RSRP1: variants seen among roughly 807,000 people sequenced by gnomAD.
RSRP1 encodes arginine/serine-rich protein 1.
A neutral mutation model predicts 33.0 loss-of-function variants in RSRP1; 37 were observed. That is an observed-to-expected ratio of 1.12 (90% CI 0.86 to 1.48). The LOEUF (loss-of-function observed/expected upper bound fraction) is 1.48. RSRP1 is among the 40% of genes most tolerant of loss of function. The pLI, the probability that RSRP1 is intolerant of heterozygous loss-of-function variation, is 0.00. For synonymous variants in RSRP1, 167 were observed against 158.7 expected (o/e 1.05, Z -0.40); for missense variants, 402 against 385.3 (o/e 1.04, Z -0.36).
chr1:25,246,575 G>C lies in RSRP1; in HGVS notation c.389C>G (p.Ala130Gly). The C allele has an allele frequency of 6.2e-7, 1 of 1,614,186 alleles. No individual in the cohort carries two copies. The highest frequency in any genetic ancestry group is 1.6e-4 in the Middle Eastern group (1 of 6,062). ...RSRGRSYCGR[A>G]YAIARGQRYY... ...GCGCTGTCCCCGCGCGATCGCGTACGCCCTTCCGCAGTACGACCTTCCCCG... is the reference window on the plus strand; with the variant it reads ...GCGCTGTCCCCGCGCGATCGCGTACCCCCTTCCGCAGTACGACCTTCCCCG... Residue 130 changes from alanine (A) to glycine (G), a missense_variant, in exon 2 of 5, where the codon GCG becomes GGG. Ala to Gly is a moderately conservative substitution (Grantham distance 60). Coordinates refer to ENST00000243189, the MANE Select transcript of RSRP1 (RefSeq NM_020317.5).
chr1:25,337,065 T>C, intron 1 of RSRP1: 1 of 171,116 alleles, frequency 5.8e-6, no homozygotes, highest in Non-Finnish European at 1.3e-5. Flanking sequence ...GAAGGGGGGT[T>C]CTGCTCCGCG....
intron 1 of RSRP1, among the ~76,000 whole-genome samples, chr1:25,298,972 A>T (rs1643157263): frequency 7.9e-6 from 1 of 126,192 alleles, no homozygotes; most frequent in South Asian, 2.4e-4. Flanking sequence ...TAACGAGTGC[A>T]CAAGCCATAT....
rs1163306359 is a variant in RSRP1 at position 25,332,257 on chromosome 1, G to A, written c.-67+5721C>T. ...TCACCATGTTGGCCAGGATGGTCCC[G>A]AACTCCTGACCTCAAGTGATCCTCC... On this transcript the variant is annotated intron_variant, in intron 1 of 1. Coordinates refer to the RSRP1 transcript ENST00000561867. Among the ~76,000 whole-genome samples, 25 of 127,968 alleles carry A rather than the reference G, an allele frequency of 2.0e-4. 6 individuals are homozygous for A. The highest frequency in any genetic ancestry group is 7.2e-4 in the South Asian group (3 of 4,152). 84.0% of individuals were successfully genotyped at this position (127,968 alleles called of 152,430 possible).
intron 1 of RSRP1, among the ~76,000 whole-genome samples, chr1:25,262,943 C>T (rs1344486990): frequency 6.6e-6 from 1 of 152,170 alleles, no homozygotes; most frequent in Non-Finnish European, 1.5e-5. Context: ...CTTTCCAGTT[C>T]TCTAGGTATT....
Position 25,333,101 on chromosome 1 carries a change from G to A in RSRP1, c.-67+4877C>T, listed in dbSNP as rs981407092. ...GAAATCCAAGGGCAGGAATGGAAGC[G>A]TGTATTCCAGCTCCAAGAGAGTAAG... is the stretch of plus-strand genomic sequence containing the variant. On this transcript the variant is annotated intron_variant, in intron 1 of 1. Transcript: ENST00000561867. Among the ~76,000 whole-genome samples, 5 of 132,368 alleles carry A rather than the reference G, an allele frequency of 3.8e-5. 2 individuals are homozygous for A. Among genetic ancestry groups the A allele is most frequent in the Admixed American group, 1.5e-4 (2 of 13,632 alleles). 86.8% of individuals were successfully genotyped at this position (132,368 alleles called of 152,430 possible).
chr1:25,256,316 G>A (rs1175347916), intron 1 of RSRP1, among the ~76,000 whole-genome samples: 1 of 151,928 alleles, frequency 6.6e-6, no homozygotes, highest in Non-Finnish European at 1.5e-5. Context: ...CACTACACCT[G>A]ACTAATTTTT....
In RSRP1 at chr1:25,268,232, T is replaced by TA. The variant is rs1248442074; in HGVS notation, c.-66-21204dup. The stretch of plus-strand genomic sequence containing the variant: ...TAGGGGAAAGCAAATAATGAACAAA[T>TA]ACACGGCCGGGCGCAGTGGCTCACG... On this transcript the variant is annotated intron_variant, in intron 1 of 1. Coordinates refer to the RSRP1 transcript ENST00000561867. 1.5e-5 allele frequency among the ~76,000 whole-genome samples: 2 copies of TA among 132,630 alleles called. 1 individual carries two copies. The highest frequency in any genetic ancestry group is 3.6e-5 in the Non-Finnish European group (2 of 55,896). The allele number at this position is 132,630 out of a possible 152,430, so 87.0% of individuals were successfully genotyped here.
In RSRP1 at chr1:25,296,086, C is replaced by T. The variant is rs1457392282; in HGVS notation, c.-67+41892G>A. ...CCATGTTGGCCAGGCTGGTCTCAAA[C>T]TCCTGACCTCAGGTGATCCACCCGC... On this transcript the variant is annotated intron_variant, in intron 1 of 1. Coordinates refer to the RSRP1 transcript ENST00000561867. Among the ~76,000 whole-genome samples the T allele has an allele frequency of 1.6e-4, 18 of 113,112 alleles. 4 individuals are homozygous for T. Among genetic ancestry groups the T allele is most frequent in the Admixed American group, 1.5e-3 (17 of 11,694 alleles). 74.2% of individuals were successfully genotyped at this position (113,112 alleles called of 152,430 possible).
rs370873484 is a variant in RSRP1 at position 25,290,229 on chromosome 1, C to T, written c.-66-43200G>A. 1.5e-4 allele frequency among the ~76,000 whole-genome samples: 19 copies of T among 128,140 alleles called. 3 individuals are homozygous for T. The highest frequency in any genetic ancestry group is 3.9e-4 in the East Asian group (2 of 5,070). 84.1% of individuals were successfully genotyped at this position (128,140 alleles called of 152,430 possible). A position where few individuals can be genotyped will look rare whatever the true frequency, so the allele number is the denominator to read the frequency against. ...GGGTGACTGGATGTGGGCAGGCCTG[C>T]GGGGGAAGAGTGCCCTCTGTTGAGC... On this transcript the variant is annotated intron_variant, in intron 1 of 1. Transcript: ENST00000561867.
At position 25,294,636 on chromosome 1, in the gene RSRP1, A is replaced by T. The variant is rs1642787576; in HGVS notation, c.-67+43342T>A. On this transcript the variant is annotated intron_variant, in intron 1 of 1. Coordinates refer to the RSRP1 transcript ENST00000561867. ...GCAAACGGCACTCAGCCTCCAGGGA[A>T]CCGCCATCTCGTTCCTGAGGCGGAG... 16 of 1,037,844 alleles carry T rather than the reference A, an allele frequency of 1.5e-5. 3 individuals carry two copies. Among genetic ancestry groups the T allele is most frequent in the Non-Finnish European group, 2.1e-5 (14 of 675,852 alleles). 64.3% of individuals were successfully genotyped at this position (1,037,844 alleles called of 1,614,324 possible). A position where few individuals can be genotyped will look rare whatever the true frequency, so the allele number is the denominator to read the frequency against.
At chr1:25,276,357 G>A (rs1301771952) in intron 1 of RSRP1, among the ~76,000 whole-genome samples, 1 of 125,708 alleles carries the variant, frequency 8.0e-6, no homozygotes, top group Non-Finnish European at 1.9e-5. Context: ...GGGCACGTAG[G>A]GTCATCGTGC....
At chr1:25,324,287 CTCTGAAAAAAAA>C (rs1198051988) in intron 1 of RSRP1, among the ~76,000 whole-genome samples, 1 of 106,658 alleles carries the variant, frequency 9.4e-6, no homozygotes, top group Non-Finnish European at 2.0e-5. Context: ...GAGATCCTGT[CTCTGAAAAAAAA>C]TATTTGCTGG....
intron 1 of RSRP1, chr1:25,301,208 C>T (rs1344151421): frequency 2.0e-6 from 2 of 1,012,346 alleles, no homozygotes; most frequent in African/African-American, 3.2e-5. Flanking sequence ...TGTCTGAAGC[C>T]CTTCCATCAT....
upstream of RSRP1, among the ~76,000 whole-genome samples, chr1:25,249,331 C>T (rs1639700603): frequency 6.6e-6 from 1 of 151,832 alleles, no homozygotes; most frequent in Non-Finnish European, 1.5e-5. Flanking sequence ...AAAATGGTGA[C>T]CAGAAAAATC....
At chr1:25,252,266 G>C (rs115154254), upstream of RSRP1, among the ~76,000 whole-genome samples, 1 of 151,938 alleles carries the variant, frequency 6.6e-6, no homozygotes, top group African/African-American at 2.4e-5. Flanking sequence ...TCTGTGTGGG[G>C]AGTGCACAGG....
chr1:25,259,475 A>T (rs545061100), intron 1 of RSRP1, among the ~76,000 whole-genome samples: 1 of 151,994 alleles, frequency 6.6e-6, no homozygotes, highest in African/African-American at 2.4e-5. Context: ...TAGAAACTTA[A>T]TTAGATTATA....
At chr1:25,256,473 A>G (rs1639951841) in intron 1 of RSRP1, among the ~76,000 whole-genome samples, 1 of 151,908 alleles carries the variant, frequency 6.6e-6, no homozygotes. Flanking sequence ...TGTTGCTGTT[A>G]TTAGACAGAG....
intron 1 of RSRP1, among the ~76,000 whole-genome samples, chr1:25,263,539 A>G (rs138257356): frequency 3.3e-4 from 50 of 151,930 alleles, no homozygotes; most frequent in South Asian, 4.1e-4. Flanking sequence ...TCACTATCAC[A>G]AGAACAGCAC....
chr1:25,291,540 A>C (rs34899305), intron 1 of RSRP1, among the ~76,000 whole-genome samples: 1 of 132,650 alleles, frequency 7.5e-6, no homozygotes, highest in East Asian at 2.0e-4. Flanking sequence ...GTTTACAAAA[A>C]TGTGGTCTGT....
Sources: allele counts gnomAD v4.1 joint callset (sites outside exome capture counted in the v4.1 genomes callset), GRCh38; gene constraint gnomAD v4.1.1; transcripts MANE v1.5; gene names NCBI Gene and HGNC (gene_info 2026-07-23, HGNC 2026-07-21).